The following MARCHF7 variants were observed in gnomAD, a reference collection of about 807,000 sequenced individuals.
The protein encoded by MARCHF7 is E3 ubiquitin-protein ligase MARCHF7.
Under a neutral mutation model 76.5 loss-of-function variants are expected in MARCHF7, and 20 were observed. That is an observed-to-expected ratio of 0.26 (90% CI 0.18 to 0.38). The LOEUF is 0.38. Ranked by LOEUF, MARCHF7 falls within the 10% of genes least tolerant of loss-of-function variation. The pLI is 1.00. For missense variants in MARCHF7, 797 were observed against 812.9 expected (o/e 0.98, Z 0.24); for synonymous variants, 295 against 293.0 (o/e 1.01, Z -0.07).
intron 8 of MARCHF7, among the ~76,000 whole-genome samples, 179 bp downstream of exon 8, chr2:159,752,750 T>A (rs1705805588): frequency 6.6e-6 from 1 of 152,112 alleles, no homozygotes; most frequent in Admixed American, 6.5e-5. Flanking sequence ...TTTAGTAATG[T>A]GTCTTATGTT....
At chr2:159,766,825 G>T (rs892907720) in intron 11 of MARCHF7, among the ~76,000 whole-genome samples, 14 of 152,278 alleles carry the variant, frequency 9.2e-5, no homozygotes, top group Non-Finnish European at 4.4e-5. Context: ...TAAATTGCAA[G>T]AACACCCATA....
chr2:159,749,342 GTTT>G (rs576827987), intron 7 of MARCHF7, among the ~76,000 whole-genome samples: 54 of 150,684 alleles, frequency 3.6e-4, no homozygotes, highest in African/African-American at 9.0e-4. Context: ...TTTTGTTTTT[GTTT>G]TTTTTTGTTG....
Position 159,719,245 on chromosome 2 carries a change from TA to T in MARCHF7, c.-15+3480del, listed in dbSNP as rs765628794. Among the ~76,000 whole-genome samples the T allele has an allele frequency of 1.2e-4, 18 of 152,150 alleles. No individual in the cohort carries two copies. The East Asian group carries it at 2.1e-3, about 18-fold the overall frequency. On this transcript the variant is annotated intron_variant, in intron 3 of 11. Coordinates refer to ENST00000409175, the MANE Select transcript of MARCHF7 (RefSeq NM_001282805.2). ...ATTTTTTGTAGAGACGGGGTGTCAATATGTTACCCAGGCTGGTCTTGAACTC... is the reference window on the plus strand; with the variant it reads ...ATTTTTTGTAGAGACGGGGTGTCAATTGTTACCCAGGCTGGTCTTGAACTC...
At chr2:159,733,585 C>T (rs1703085094) in intron 4 of MARCHF7, 1 of 981,114 alleles carries the variant, frequency 1.0e-6, no homozygotes, top group South Asian at 4.7e-5. Context: ...GGCTTTTTAA[C>T]TCACAACTCT....
chr2:159,735,590 C>G (rs1020720560), intron 4 of MARCHF7, among the ~76,000 whole-genome samples: 8 of 152,110 alleles, frequency 5.3e-5, no homozygotes, highest in Middle Eastern at 3.2e-3. Flanking sequence ...ACTATGTAGT[C>G]TTTTGTTAGT....
intron 1 of MARCHF7, among the ~76,000 whole-genome samples, chr2:159,713,991 T>G (rs1429261152): frequency 6.6e-6 from 1 of 152,194 alleles, no homozygotes; most frequent in Non-Finnish European, 1.5e-5. Context: ...TACAAATGAT[T>G]TCTTTTTTCT....
At chr2:159,750,118 C>G (rs746384571) in intron 7 of MARCHF7, among the ~76,000 whole-genome samples, 127 of 152,340 alleles carry the variant, frequency 8.3e-4, no homozygotes, top group Non-Finnish European at 1.5e-3. Flanking sequence ...GCTTCCCATG[C>G]TGGTCTCAAA....
intron 4 of MARCHF7, among the ~76,000 whole-genome samples, chr2:159,731,901 G>A (rs555608191): frequency 6.6e-6 from 1 of 151,384 alleles, no homozygotes; most frequent in South Asian, 2.1e-4. Flanking sequence ...TCAGGAGATC[G>A]AGACCATCCT....
intron 4 of MARCHF7, among the ~76,000 whole-genome samples, chr2:159,736,062 G>A (rs1257896331): frequency 6.6e-6 from 1 of 152,226 alleles, no homozygotes; most frequent in African/African-American, 2.4e-5. Context: ...ATAAGGTTGA[G>A]GCTTCAGTGA....
intron 3 of MARCHF7, among the ~76,000 whole-genome samples, chr2:159,728,688 A>G (rs1378764910): frequency 6.6e-6 from 1 of 152,212 alleles, no homozygotes; most frequent in African/African-American, 2.4e-5. Context: ...GAATACCAAG[A>G]GAGTCAAGGA....
intron 10 of MARCHF7, among the ~76,000 whole-genome samples, chr2:159,763,564 G>A (rs1054717442): frequency 1.3e-5 from 2 of 152,160 alleles, no homozygotes; most frequent in Non-Finnish European, 2.9e-5. Context: ...GTGTACCAGA[G>A]GAAACTTTAT....
At chr2:159,755,104 T>C (rs945515652) in intron 8 of MARCHF7, among the ~76,000 whole-genome samples, 4 of 152,092 alleles carry the variant, frequency 2.6e-5, no homozygotes, top group African/African-American at 7.2e-5. Flanking sequence ...GTGGCAACCA[T>C]AGAAATTAAA....
chr2:159,760,515 A>C (rs144239395), intron 9 of MARCHF7, among the ~76,000 whole-genome samples: 94 of 152,338 alleles, frequency 6.2e-4, no homozygotes, highest in African/African-American at 2.2e-3. Context: ...TTAAATCCCC[A>C]GGGAGTTCTC....
Position 159,748,139 on chromosome 2 carries a change from G to A in MARCHF7, c.849G>A (p.Leu283=). ...GTAGGCGGACAACGAGGAGATTGCT[G>A]TCACGCATAGCTTCTAGCATGTCAT... ...NEGRRTTRRL[L]SRIASSMSST... The change falls in exon 7 of 12, where the codon CTG becomes CTA. Residue 283 remains leucine, a synonymous_variant. Coordinates refer to ENST00000409175, the MANE Select transcript of MARCHF7 (RefSeq NM_001282805.2). The A allele has an allele frequency of 6.2e-7, 1 of 1,613,834 alleles. No homozygotes were observed. The highest frequency in any genetic ancestry group is 8.5e-7 in the Non-Finnish European group (1 of 1,179,906).
chr2:159,721,335 T>C (rs180837366), intron 3 of MARCHF7, among the ~76,000 whole-genome samples: 5 of 152,308 alleles, frequency 3.3e-5, no homozygotes, highest in African/African-American at 1.2e-4. Flanking sequence ...ATTTTTTTCA[T>C]AGCTAAAGCA....
At chr2:159,746,213 C>T (rs1344986718) in intron 6 of MARCHF7, among the ~76,000 whole-genome samples, 1 of 152,062 alleles carries the variant, frequency 6.6e-6, no homozygotes, top group African/African-American at 2.4e-5. Flanking sequence ...CATACTAAAT[C>T]GTATATCCTC....
intron 3 of MARCHF7, among the ~76,000 whole-genome samples, chr2:159,720,772 AT>A (rs1299526252): frequency 6.6e-6 from 1 of 152,168 alleles, no homozygotes; most frequent in African/African-American, 2.4e-5. Context: ...CAAATTCAGG[AT>A]TTGAACTTCC....
intron 3 of MARCHF7, among the ~76,000 whole-genome samples, chr2:159,717,118 A>G (rs1305091511): frequency 6.6e-6 from 1 of 152,214 alleles, no homozygotes; most frequent in African/African-American, 2.4e-5. Flanking sequence ...TTTATGACAC[A>G]GGAATCTTGG....
chr2:159,722,672 C>T (rs895835106), intron 3 of MARCHF7, among the ~76,000 whole-genome samples: 14 of 152,082 alleles, frequency 9.2e-5, no homozygotes, highest in African/African-American at 3.1e-4. Flanking sequence ...CTAAGTGATT[C>T]GATAGAAGTT....
Sources: gnomAD v4.1 joint callset for allele counts (sites outside exome capture counted in the v4.1 genomes callset) on GRCh38, gnomAD v4.1.1 for gene constraint, MANE v1.5 for transcripts, NCBI Gene and HGNC (gene_info 2026-07-23, HGNC 2026-07-21) for gene names.